The following EGF variants were observed in gnomAD, a reference collection of about 807,000 sequenced individuals.
EGF encodes the protein pro-epidermal growth factor.
In EGF, 95 loss-of-function variants were observed where a neutral mutation model predicts 143.8. The observed-to-expected ratio is 0.66, with a 90% CI of 0.56 to 0.78. The LOEUF is 0.78. Among genes scored for constraint, EGF ranks in the 30% least tolerant of loss-of-function variants. The probability of loss-of-function intolerance (pLI) is 0.00; values close to 1 mark genes in which losing one functional copy is unlikely to be tolerated. For synonymous variants in EGF, 510 were observed against 510.5 expected, an observed-to-expected ratio of 1.00 and a Z score of 0.01; for missense variants, 1,320 against 1,470.9, an observed-to-expected ratio of 0.90 and a Z score of 1.68.
At chr4:109,998,927 G>T (rs1009178044) in intron 20 of EGF, among the ~76,000 whole-genome samples, 1 of 152,206 alleles carries the variant, frequency 6.6e-6, no homozygotes, top group Non-Finnish European at 1.5e-5. Context: ...GTTTACCTGA[G>T]ATCTTAATTG....
rs1473997374 is a variant in EGF at position 109,980,091 on chromosome 4, A to C, written c.2173A>C (p.Met725Leu). 1 of 1,613,784 alleles carries C rather than the reference A, an allele frequency of 6.2e-7. No homozygotes were observed. ...GKDRVRLQGSMLKPSSLVVVH... is the reference protein window; with the variant it reads ...GKDRVRLQGSLLKPSSLVVVH... ...AGATAGAGTACGTCTCCAAGGCAGC[A>C]TGCTGAAGCCCTCATCACTGGTTGT... The change falls in exon 14 of 24, where the codon ATG (methionine) becomes CTG (leucine). Residue 725 changes from methionine to leucine, a missense_variant. Around this residue, in one of 5 missense-constraint regions of EGF, gnomAD observed 1,186 missense variants for 1,313.7 expected, o/e 0.90. Transcript: ENST00000265171.
chr4:109,949,963 A>G (rs1367063988), intron 5 of EGF, among the ~76,000 whole-genome samples: 1 of 152,152 alleles, frequency 6.6e-6, no homozygotes, highest in African/African-American at 2.4e-5. Flanking sequence ...ATAGAGCCAC[A>G]GTTTCACCAT....
In EGF at chr4:109,913,398, A is replaced by T. The variant is rs761261821; in HGVS notation, c.63A>T (p.Ser21=). The T allele has an allele frequency of 6.2e-7, 1 of 1,614,024 alleles. No homozygotes were observed. Among genetic ancestry groups the T allele is most frequent in the Non-Finnish European group, 8.5e-7 (1 of 1,179,930 alleles). Residue 21 remains serine, a synonymous_variant, in exon 1 of 24, where the codon TCA becomes TCT. Coordinates refer to ENST00000265171, the MANE Select transcript of EGF (RefSeq NM_001963.6). ...CAAAATTTAGTTTTGTTAGTCTCTC[A>T]GCACCGCAGCACTGGAGCTGTCCTG... is the stretch of plus-strand genomic sequence containing the variant. ...VVSKFSFVSL[S]APQHWSCPEG... is the part of the protein sequence containing the mutation.
chr4:109,925,638 T>C (rs185776944), intron 1 of EGF, among the ~76,000 whole-genome samples: 179 of 152,340 alleles, frequency 1.2e-3, no homozygotes, highest in Non-Finnish European at 2.1e-3. Flanking sequence ...TTAGCCACTA[T>C]CATAATTACC....
rs1040710754 is a variant in EGF at position 110,013,025 on chromosome 4, T to A, written c.*1570T>A. ...AAGATTTGGTGATGGGAGGATGACT[T>A]GAGGTTTGTGGATATTAGTTAATTA... On this transcript the variant is annotated 3_prime_UTR_variant, in exon 24 of 24. Transcript: ENST00000265171. Among the ~76,000 whole-genome samples, 9 of 152,148 alleles carry A rather than the reference T, an allele frequency of 5.9e-5. No homozygotes were observed. Among genetic ancestry groups the A allele is most frequent in the African/African-American group, 2.2e-4 (9 of 41,452 alleles).
intron 1 of EGF, among the ~76,000 whole-genome samples, chr4:109,933,104 T>C (rs1560644813): frequency 6.6e-6 from 1 of 152,226 alleles, no homozygotes; most frequent in Non-Finnish European, 1.5e-5. Flanking sequence ...TTCATTTTTT[T>C]CCCATAATAA....
intron 21 of EGF, among the ~76,000 whole-genome samples, chr4:110,003,752 C>T (rs2126185347): frequency 1.5e-5 from 2 of 131,316 alleles, no homozygotes; most frequent in Non-Finnish European, 3.1e-5. Flanking sequence ...GAATGTCAAA[C>T]AAGACAGTAC....
At chr4:109,988,494 T>C in intron 17 of EGF, 90 bp from the exon 18 acceptor site, 1 of 1,582,502 alleles carries the variant, frequency 6.3e-7, no homozygotes, top group Non-Finnish European at 8.7e-7. Context: ...GAATAAGAAT[T>C]GAATATACGA....
At chr4:109,972,603 C>T (rs915754425) in intron 11 of EGF, among the ~76,000 whole-genome samples, 1 of 152,168 alleles carries the variant, frequency 6.6e-6, no homozygotes, top group Non-Finnish European at 1.5e-5. Flanking sequence ...AAATATCTTC[C>T]ACCCAGCAGT....
At chr4:109,960,394 C>T (rs540215246) in intron 6 of EGF, among the ~76,000 whole-genome samples, 11 of 152,280 alleles carry the variant, frequency 7.2e-5, no homozygotes, top group African/African-American at 2.4e-4. Flanking sequence ...CTTGTAATCT[C>T]GGCACTTTGG....
chr4:109,964,340 G>A (rs1746196181), intron 9 of EGF, 61 bp from the exon 10 acceptor site: 4 of 1,600,424 alleles, frequency 2.5e-6, no homozygotes, highest in Admixed American at 3.3e-5. Flanking sequence ...AAGAGTCAGA[G>A]ATGCCTCTTA....
chr4:109,998,438 G>C (rs912322279), intron 20 of EGF, among the ~76,000 whole-genome samples: 1 of 152,194 alleles, frequency 6.6e-6, no homozygotes, highest in Non-Finnish European at 1.5e-5. Context: ...TGAAATCAGA[G>C]AACCATTGGA....
chr4:109,960,553 G>C (rs377354457), intron 6 of EGF, among the ~76,000 whole-genome samples: 1 of 152,164 alleles, frequency 6.6e-6, no homozygotes, highest in Non-Finnish European at 1.5e-5. Flanking sequence ...GCTGAGGTGG[G>C]AGGATCACTT....
chr4:109,997,667 G>A lies in EGF; in HGVS notation c.3006-2012G>A, dbSNP rs143200762. 5.7e-3 allele frequency among the ~76,000 whole-genome samples: 868 copies of A among 152,174 alleles called. 9 individuals are homozygous for A. Among genetic ancestry groups the A allele is most frequent in the African/African-American group, 0.019 (775 of 41,510 alleles). ...GGGTTTCACCGTGTTAGCCAGGATGGTCTCCATCTCCTGACCTCGTGATCC... is the reference window on the plus strand; with the variant it reads ...GGGTTTCACCGTGTTAGCCAGGATGATCTCCATCTCCTGACCTCGTGATCC... On this transcript the variant is annotated intron_variant, in intron 20 of 23. Coordinates refer to ENST00000265171, the MANE Select transcript of EGF (RefSeq NM_001963.6).
intron 1 of EGF, among the ~76,000 whole-genome samples, chr4:109,938,777 C>T (rs1270947729): frequency 2.0e-5 from 3 of 152,234 alleles, no homozygotes; most frequent in African/African-American, 7.2e-5. Context: ...ACAGGCCACT[C>T]AGCTGCAGAT....
intron 10 of EGF, among the ~76,000 whole-genome samples, chr4:109,965,969 CAT>C (rs1227259342): frequency 6.6e-6 from 1 of 151,902 alleles, no homozygotes; most frequent in East Asian, 1.9e-4. Context: ...TTTATGTACA[CAT>C]GTGTACTCAC....
chr4:109,993,864 A>G (rs11569082), intron 19 of EGF, among the ~76,000 whole-genome samples: 2,761 of 152,206 alleles, frequency 0.018, 91 homozygotes, highest in African/African-American at 0.063. Flanking sequence ...TCTTCTTCCC[A>G]TAACAGCAGT....
chr4:109,996,840 G>A (rs1189948202), intron 20 of EGF, among the ~76,000 whole-genome samples: 5 of 152,098 alleles, frequency 3.3e-5, no homozygotes, highest in Admixed American at 2.6e-4. Flanking sequence ...AAACCTTCTG[G>A]GCTCAGAGGA....
chr4:109,937,247 T>G (rs1740987569), intron 1 of EGF, among the ~76,000 whole-genome samples: 1 of 152,156 alleles, frequency 6.6e-6, no homozygotes, highest in Admixed American at 6.5e-5. Flanking sequence ...TTAGGCTACT[T>G]AGTTCTTCTT....
Sources: gnomAD v4.1 joint callset for allele counts (sites outside exome capture counted in the v4.1 genomes callset) on GRCh38, gnomAD v4.1.1 for gene constraint, gnomAD v4.1.1 regional missense constraint, MANE v1.5 for transcripts, NCBI Gene and HGNC (gene_info 2026-07-23, HGNC 2026-07-21) for gene names.